Variants in PLEKHG1 observed in about 807,000 individuals in gnomAD.
The protein encoded by PLEKHG1 is pleckstrin homology and RhoGEF domain containing G1.
A neutral mutation model predicts 100.8 loss-of-function variants in PLEKHG1; 44 were observed. The observed-to-expected ratio is 0.44, with a 90% confidence interval of 0.34 to 0.56. PLEKHG1 has a LOEUF of 0.56. PLEKHG1 is among the 20% of genes least tolerant of loss of function. PLEKHG1 has a pLI of 0.01. For synonymous variants in PLEKHG1, 640 were observed against 662.5 expected, an observed-to-expected ratio of 0.97 and a Z score of 0.52; for missense variants, 1,545 against 1,720.9, an observed-to-expected ratio of 0.90 and a Z score of 1.81.
At position 150,809,372 on chromosome 6, in the gene PLEKHG1, C is replaced by G. The variant is rs1279170642; in HGVS notation, c.1096-9C>G. 4 of 1,613,338 alleles carry G rather than the reference C, an allele frequency of 2.5e-6. No homozygotes were observed. Among genetic ancestry groups the G allele is most frequent in the African/African-American group, 2.7e-5 (2 of 74,926 alleles). On this transcript the variant is annotated splice_polypyrimidine_tract_variant and intron_variant, in intron 8 of 15. Transcript: ENST00000358517. ...GTGTGCCTCACCCTCTCTGCTCTCTCTGCTCTAGTGTGGCAACCTCATGCT... is the reference window on the plus strand; with the variant it reads ...GTGTGCCTCACCCTCTCTGCTCTCTGTGCTCTAGTGTGGCAACCTCATGCT...
chr6:150,682,617 A>G (rs138971053), intron 3 of PLEKHG1, among the ~76,000 whole-genome samples: 2 of 152,248 alleles, frequency 1.3e-5, no homozygotes, highest in African/African-American at 4.8e-5. Context: ...CTGGGTGTGC[A>G]GCCATCCTAA....
chr6:150,747,709 A>G (rs1245971034), intron 2 of PLEKHG1, among the ~76,000 whole-genome samples: 2 of 152,106 alleles, frequency 1.3e-5, no homozygotes, highest in Admixed American at 6.5e-5. Flanking sequence ...AGCCTGGCCA[A>G]CATGGTGAAA....
At chr6:150,800,124 T>C (rs993091650) in intron 5 of PLEKHG1, among the ~76,000 whole-genome samples, 2 of 151,738 alleles carry the variant, frequency 1.3e-5, no homozygotes, top group Non-Finnish European at 2.9e-5. Flanking sequence ...AATTTGGAGG[T>C]AGAAAGGGAG....
intron 2 of PLEKHG1, among the ~76,000 whole-genome samples, chr6:150,763,679 G>GA (rs1784302573): frequency 6.6e-6 from 1 of 152,174 alleles, no homozygotes; most frequent in African/African-American, 2.4e-5. Flanking sequence ...ACCTAGGAAG[G>GA]AAAATCAGAG....
chr6:150,705,981 ATTCC>A (rs1435576542), intron 3 of PLEKHG1, among the ~76,000 whole-genome samples: 1 of 152,124 alleles, frequency 6.6e-6, no homozygotes, highest in Non-Finnish European at 1.5e-5. Context: ...CTTCCAAGTT[ATTCC>A]TCTTTTTTCC....
At chr6:150,804,460 C>T (rs1786919866) in intron 6 of PLEKHG1, 150 bp from the exon 8 acceptor site, 2 of 555,766 alleles carry the variant, frequency 3.6e-6, no homozygotes, top group Non-Finnish European at 5.8e-6. Flanking sequence ...GCTGGGATTA[C>T]AGGCATGAGC....
intron 4 of PLEKHG1, among the ~76,000 whole-genome samples, chr6:150,791,620 A>G (rs1358396199): frequency 6.6e-6 from 1 of 151,796 alleles, no homozygotes; most frequent in African/African-American, 2.4e-5. Flanking sequence ...CAGTGAGCCA[A>G]GATGGTGCCA....
intron 1 of PLEKHG1, chr6:150,625,740 C>T (rs9384568): frequency 0.13 from 19,954 of 152,180 alleles, 1,618 homozygotes; most frequent in South Asian, 0.21. Context: ...GTGATCTGCC[C>T]ACCTCGGCCC....
chr6:150,678,099 T>TATATAC (rs1779824006), intron 3 of PLEKHG1, among the ~76,000 whole-genome samples: 1 of 141,898 alleles, frequency 7.0e-6, no homozygotes, highest in Non-Finnish European at 1.5e-5. Context: ...TATATATATA[T>TATATAC]ATATGTTGTG....
At chr6:150,798,782 C>T (rs949404124) in intron 5 of PLEKHG1, among the ~76,000 whole-genome samples, 1 of 152,076 alleles carries the variant, frequency 6.6e-6, no homozygotes, top group African/African-American at 2.4e-5. Context: ...GCTCTGTTGC[C>T]CAGGTTGAAG....
chr6:150,736,168 G>A (rs1782548506), intron 2 of PLEKHG1, among the ~76,000 whole-genome samples: 1 of 152,142 alleles, frequency 6.6e-6, no homozygotes, highest in South Asian at 2.1e-4. Context: ...ATGGGGCCTG[G>A]ACATGCCAGT....
At chr6:150,653,003 T>C in intron 3 of PLEKHG1, among the ~76,000 whole-genome samples, 1 of 152,234 alleles carries the variant, frequency 6.6e-6, no homozygotes, top group Non-Finnish European at 1.5e-5. Flanking sequence ...TTTTGCTAAC[T>C]GGTAAAACAA....
chr6:150,800,240 A>T (rs1786609402), intron 5 of PLEKHG1, among the ~76,000 whole-genome samples: 1 of 152,096 alleles, frequency 6.6e-6, no homozygotes, highest in South Asian at 2.1e-4. Flanking sequence ...GGGCCAGCAG[A>T]GGGGGTGATT....
At chr6:150,788,687 C>A (rs1232289909) in intron 4 of PLEKHG1, among the ~76,000 whole-genome samples, 2 of 152,200 alleles carry the variant, frequency 1.3e-5, no homozygotes, top group African/African-American at 4.8e-5. Flanking sequence ...TCCACCTTCA[C>A]ATCCACCTCT....
At chr6:150,767,486 G>A (rs1274181852) in intron 2 of PLEKHG1, among the ~76,000 whole-genome samples, 1 of 152,204 alleles carries the variant, frequency 6.6e-6, no homozygotes, top group Non-Finnish European at 1.5e-5. Flanking sequence ...CTAATTTGAT[G>A]CAAACTGTGA....
intron 2 of PLEKHG1, among the ~76,000 whole-genome samples, chr6:150,639,749 G>A (rs1778171272): frequency 6.6e-6 from 1 of 152,070 alleles, no homozygotes; most frequent in Non-Finnish European, 1.5e-5. Context: ...CTGTCAGGGT[G>A]CAAGTAGACT....
chr6:150,670,472 C>A (rs142484937), intron 3 of PLEKHG1, among the ~76,000 whole-genome samples: 10 of 152,112 alleles, frequency 6.6e-5, no homozygotes, highest in Non-Finnish European at 1.3e-4. Context: ...CAGCCACCTA[C>A]GCTACACAGC....
Position 150,831,029 on chromosome 6 carries a change from CAGG to C in PLEKHG1, c.1924_1926del (p.Glu642del), listed in dbSNP as rs750731207. 6.0e-5 allele frequency: 97 copies of C among 1,613,810 alleles called. No homozygotes were observed. The highest frequency in any genetic ancestry group is 1.3e-5 in the Non-Finnish European group (15 of 1,179,880). Reference sequence around the variant, plus strand: ...GCAGAACAGCCCCAAAACAGAAGGGCAGGAGGAGATGACTCCCTTTGGGTCATC... The same window carrying C: ...GCAGAACAGCCCCAAAACAGAAGGGCAGGAGATGACTCCCTTTGGGTCATC... On this transcript the variant is annotated inframe_deletion, in exon 15 of 16. Transcript: ENST00000358517. This position sits in a 1 kb window ranked among gnomAD's most constrained non-coding sequence, Gnocchi z 4.1.
chr6:150,810,157 G>A (rs1372679642), intron 10 of PLEKHG1, among the ~76,000 whole-genome samples: 2 of 151,784 alleles, frequency 1.3e-5, no homozygotes, highest in Non-Finnish European at 1.5e-5. Context: ...GTTAGCACCC[G>A]GCATGATGGC....
Sources: allele counts gnomAD v4.1 joint callset (sites outside exome capture counted in the v4.1 genomes callset), GRCh38; gene constraint gnomAD v4.1.1; non-coding constraint Gnocchi (gnomAD v3.1); transcripts MANE v1.5; gene names NCBI Gene and HGNC (gene_info 2026-07-23, HGNC 2026-07-21).